TCF25: variants seen among roughly 807,000 people sequenced by gnomAD.
TCF25 encodes ribosome quality control complex subunit TCF25.
TCF25 carries 41 observed loss-of-function variants against 83.1 expected under a neutral mutation model. The ratio of observed to expected loss-of-function variants is 0.49; its 90% confidence interval spans 0.38 to 0.64. The LOEUF (loss-of-function observed/expected upper bound fraction) is 0.64. Ranked by LOEUF, TCF25 falls within the 30% of genes least tolerant of loss-of-function variation. The pLI, the probability that TCF25 is intolerant of heterozygous loss-of-function variation, is 0.00. For missense variants in TCF25, 979 were observed against 914.5 expected, an observed-to-expected ratio of 1.07 and a Z score of -0.91; for synonymous variants, 458 against 365.0, an observed-to-expected ratio of 1.25 and a Z score of -2.90.
intron 12 of TCF25, among the ~76,000 whole-genome samples, chr16:89,901,196 G>A (rs2044294417): frequency 1.3e-5 from 2 of 152,260 alleles, no homozygotes; most frequent in African/African-American, 2.4e-5. Flanking sequence ...GGAGGCCTGT[G>A]CCGCCCAGAT....
chr16:89,910,386 C>A, intron 16 of TCF25: 1 of 603,422 alleles, frequency 1.7e-6, no homozygotes, highest in Non-Finnish European at 2.9e-6. Flanking sequence ...TTCCCGCTGT[C>A]CACAGCCCCA....
At chr16:89,893,221 C>T (rs547085367) in intron 6 of TCF25, among the ~76,000 whole-genome samples, 85 of 152,312 alleles carry the variant, frequency 5.6e-4, no homozygotes, top group African/African-American at 1.9e-3. Context: ...AACTGGGTCC[C>T]ATACACCCAG....
chr16:89,874,208 G>T (rs1010776937), intron 1 of TCF25, among the ~76,000 whole-genome samples: 1 of 152,136 alleles, frequency 6.6e-6, no homozygotes. Flanking sequence ...TGATGCCAAG[G>T]GCGTGGCCAA....
intron 8 of TCF25, among the ~76,000 whole-genome samples, chr16:89,895,757 G>C (rs1343998951): frequency 6.6e-6 from 1 of 152,258 alleles, no homozygotes; most frequent in Admixed American, 6.5e-5. Context: ...CGTGGCAGCA[G>C]TTGTGCCTCA....
chr16:89,908,905 T>A, intron 16 of TCF25: 2 of 1,281,478 alleles, frequency 1.6e-6, no homozygotes, highest in Non-Finnish European at 2.0e-6. Flanking sequence ...ACTGGCTGCC[T>A]CTTTCAGACC....
intron 8 of TCF25, among the ~76,000 whole-genome samples, chr16:89,895,389 G>A (rs191098036): frequency 1.6e-3 from 246 of 152,190 alleles, no homozygotes; most frequent in Non-Finnish European, 2.5e-3. Flanking sequence ...TGTATTTTTA[G>A]TAGAGATGGG....
intron 9 of TCF25, among the ~76,000 whole-genome samples, chr16:89,898,293 C>G (rs1206996017): frequency 6.6e-6 from 1 of 151,352 alleles, no homozygotes; most frequent in Non-Finnish European, 1.5e-5. Flanking sequence ...GACCGGGGCG[C>G]TAAGCAGTGT....
At chr16:89,897,932 T>C (rs1469183707) in intron 9 of TCF25, among the ~76,000 whole-genome samples, 3 of 151,990 alleles carry the variant, frequency 2.0e-5, no homozygotes, top group Non-Finnish European at 2.9e-5. Flanking sequence ...TGAAACCCCG[T>C]CTCTACTAAA....
chr16:89,888,454 T>G (rs1334020615), intron 5 of TCF25, among the ~76,000 whole-genome samples: 2 of 149,418 alleles, frequency 1.3e-5, no homozygotes, highest in East Asian at 4.1e-4. Flanking sequence ...CCAGGCATGG[T>G]CGTGCATGCC....
At chr16:89,908,569 T>C (rs1291328834) in intron 16 of TCF25, among the ~76,000 whole-genome samples, 7 of 60,422 alleles carry the variant, frequency 1.2e-4, no homozygotes, top group Non-Finnish European at 1.9e-4. Flanking sequence ...CCCACCTCTT[T>C]CCTCGCAGTT....
At chr16:89,874,103 C>CG (rs1169356881) in intron 1 of TCF25, among the ~76,000 whole-genome samples, 6 of 47,632 alleles carry the variant, frequency 1.3e-4, no homozygotes, top group African/African-American at 4.9e-4. Context: ...GTGAGGTGGG[C>CG]GGGGCTAAGG....
chr16:89,905,160 G>A (rs1317803212), intron 14 of TCF25, 64 bp downstream of exon 14: 7 of 1,479,114 alleles, frequency 4.7e-6, no homozygotes, highest in East Asian at 2.4e-5. Context: ...TCCCAGACAC[G>A]GGGGCCTCGC....
chr16:89,887,887 T>C (rs2043136525), intron 5 of TCF25, among the ~76,000 whole-genome samples, 170 bp downstream of exon 5: 1 of 152,214 alleles, frequency 6.6e-6, no homozygotes, highest in African/African-American at 2.4e-5. Flanking sequence ...AGATTGTCTG[T>C]GTATAACCTT....
At chr16:89,878,809 T>A (rs930147549) in intron 1 of TCF25, among the ~76,000 whole-genome samples, 7 of 151,946 alleles carry the variant, frequency 4.6e-5, no homozygotes, top group African/African-American at 1.7e-4. Context: ...CCCGGCAAGT[T>A]TTTTTGTATT....
chr16:89,886,099 G>A lies in TCF25; in HGVS notation c.548+133G>A. The A allele has an allele frequency of 4.6e-6, 3 of 656,692 alleles. 1 individual carries two copies. In the South Asian group the frequency reaches 4.9e-5, roughly 11 times the overall value. 40.7% of individuals were successfully genotyped at this position (656,692 alleles called of 1,614,324 possible). A position where few individuals can be genotyped will look rare whatever the true frequency, so the allele number is the denominator to read the frequency against. On this transcript the variant is annotated intron_variant, in intron 4 of 17. Coordinates refer to ENST00000263346, the MANE Select transcript of TCF25 (RefSeq NM_014972.3). ...GGGAGGAAAAGGTTCTCTAAAAAAG[G>A]AAAAATAAAATGTACTGTCTTTATT...
intron 1 of TCF25, among the ~76,000 whole-genome samples, chr16:89,879,902 A>G (rs886354280): frequency 2.0e-5 from 3 of 151,610 alleles, no homozygotes; most frequent in Admixed American, 6.7e-5. Context: ...GGAGCCTGTC[A>G]CACGTGTTGT....
intron 1 of TCF25, among the ~76,000 whole-genome samples, chr16:89,874,363 G>A (rs1299784885): frequency 6.6e-6 from 1 of 152,002 alleles, no homozygotes; most frequent in Non-Finnish European, 1.5e-5. Context: ...TGAGGCCTGG[G>A]GCCACCGTGG....
intron 12 of TCF25, among the ~76,000 whole-genome samples, chr16:89,902,786 G>C (rs914918348): frequency 4.6e-5 from 7 of 152,126 alleles, no homozygotes; most frequent in African/African-American, 1.4e-4. Context: ...CCGAGGGGCG[G>C]TGAGGGGTGA....
At chr16:89,906,775 G>C (rs919611998) in intron 15 of TCF25, among the ~76,000 whole-genome samples, 1 of 152,154 alleles carries the variant, frequency 6.6e-6, no homozygotes, top group African/African-American at 2.4e-5. Context: ...TTTAACTTCA[G>C]CTGCTCTGCG....
Sources: allele counts gnomAD v4.1 joint callset (sites outside exome capture counted in the v4.1 genomes callset), GRCh38; gene constraint gnomAD v4.1.1; transcripts MANE v1.5; gene names NCBI Gene and HGNC (gene_info 2026-07-23, HGNC 2026-07-21).